NSUN2: variants seen among roughly 807,000 people sequenced by gnomAD.
NSUN2 encodes NOP2/Sun RNA methyltransferase 2, also known as RNA cytosine C(5)-methyltransferase NSUN2.
Under a neutral mutation model 92.7 loss-of-function variants are expected in NSUN2, and 63 were observed. That is an observed-to-expected ratio of 0.68 (90% CI 0.56 to 0.84). NSUN2 has a LOEUF of 0.84. Ranked by LOEUF, NSUN2 falls within the 40% of genes least tolerant of loss-of-function variation. The pLI is 0.00. For synonymous variants in NSUN2, 356 were observed against 348.3 expected (o/e 1.02, Z -0.25); for missense variants, 989 against 964.9 (o/e 1.02, Z -0.33).
In NSUN2 at chr5:6,632,654, T is replaced by A; in HGVS notation, c.199A>T (p.Met67Leu). 6.2e-7 allele frequency: 1 copy of A among 1,614,164 alleles called. No individual in the cohort carries two copies. The highest frequency in any genetic ancestry group is 8.5e-7 in the Non-Finnish European group (1 of 1,180,034). ...IVPEGEWGQF[M>L]DALREPLPAT... Reference sequence around the variant, plus strand: ...GGGAGCGGCTCCCTGAGAGCGTCCATGAACTGGCCCCACTCGCCCTCGGGC... The same window carrying A: ...GGGAGCGGCTCCCTGAGAGCGTCCAAGAACTGGCCCCACTCGCCCTCGGGC... The change falls in exon 2 of 19, where the codon ATG becomes TTG. Residue 67 changes from methionine (M) to leucine (L), a missense_variant. Around this residue, in one of 3 missense-constraint regions of NSUN2, gnomAD observed 356 missense variants for 338.6 expected, o/e 1.05. Coordinates refer to ENST00000264670, the MANE Select transcript of NSUN2 (RefSeq NM_017755.6).
chr5:6,623,193 T>C, intron 5 of NSUN2, 21 bp downstream of exon 5: 2 of 1,577,662 alleles, frequency 1.3e-6, no homozygotes, highest in South Asian at 1.2e-5. Flanking sequence ...CGCCCCCACG[T>C]TTCTAGTTGC....
chr5:6,600,677 G>T (rs1003011093), intron 18 of NSUN2, among the ~76,000 whole-genome samples: 6 of 151,948 alleles, frequency 3.9e-5, no homozygotes, highest in African/African-American at 1.5e-4. Flanking sequence ...CCTTAGCAGG[G>T]CGTCAGAGCA....
chr5:6,630,919 C>T (rs1278192071), intron 3 of NSUN2, among the ~76,000 whole-genome samples: 1 of 152,116 alleles, frequency 6.6e-6, no homozygotes, highest in African/African-American at 2.4e-5. Context: ...AGGTAAAAAC[C>T]CGTCTCCACT....
chr5:6,625,100 A>T (rs1347017337), intron 4 of NSUN2, among the ~76,000 whole-genome samples: 1 of 148,594 alleles, frequency 6.7e-6, no homozygotes, highest in Non-Finnish European at 1.5e-5. Context: ...AATGTGTGGT[A>T]AGAAAAAAAA....
chr5:6,628,407 G>T (rs1001997688), intron 3 of NSUN2, among the ~76,000 whole-genome samples: 3 of 152,222 alleles, frequency 2.0e-5, no homozygotes, highest in African/African-American at 7.2e-5. Context: ...TGAACAATTG[G>T]TTGTCAAAAC....
At chr5:6,609,510 C>T (rs889262142) in intron 12 of NSUN2, among the ~76,000 whole-genome samples, 3 of 152,292 alleles carry the variant, frequency 2.0e-5, no homozygotes, top group African/African-American at 7.2e-5. Context: ...AGCACAGAAA[C>T]CTGGGGCTTC....
At chr5:6,607,543 A>C (rs1736827340) in intron 12 of NSUN2, among the ~76,000 whole-genome samples, 159 bp from the exon 13 acceptor site, 1 of 152,248 alleles carries the variant, frequency 6.6e-6, no homozygotes, top group Non-Finnish European at 1.5e-5. Context: ...TGTCATTTTA[A>C]ATCTACTTGC....
At chr5:6,605,986 T>C (rs886251265) in intron 14 of NSUN2, among the ~76,000 whole-genome samples, 2 of 152,174 alleles carry the variant, frequency 1.3e-5, no homozygotes, top group African/African-American at 4.8e-5. Flanking sequence ...GAGACTTATT[T>C]TTTAATAGAC....
chr5:6,631,104 AACAG>A (rs1219254640), intron 3 of NSUN2, among the ~76,000 whole-genome samples: 1 of 152,096 alleles, frequency 6.6e-6, no homozygotes, highest in Non-Finnish European at 1.5e-5. Context: ...CAAACAAACA[AACAG>A]ACAAACAAAA....
At chr5:6,621,646 GC>G (rs1560982210) in intron 6 of NSUN2, 1 of 161,480 alleles carries the variant, frequency 6.2e-6, no homozygotes, top group Admixed American at 6.3e-5. Context: ...TACTCGAGAG[GC>G]TGAGGCAGGA....
Position 6,600,238 on chromosome 5 carries a change from A to C in NSUN2, c.1998-6T>G, listed in dbSNP as rs1473827401. On this transcript the variant is annotated splice_region_variant and splice_polypyrimidine_tract_variant and intron_variant, in intron 18 of 18. Coordinates refer to ENST00000264670, the MANE Select transcript of NSUN2 (RefSeq NM_017755.6). ...ACTGCAGAGCGTCTGGATTCCTACAAGTGAAAGTGGCTTCATGTAGAACAT... is the reference window on the plus strand; with the variant it reads ...ACTGCAGAGCGTCTGGATTCCTACACGTGAAAGTGGCTTCATGTAGAACAT... 6.2e-7 allele frequency: 1 copy of C among 1,609,754 alleles called. No homozygotes were observed. Among genetic ancestry groups the C allele is most frequent in the South Asian group, 1.1e-5 (1 of 90,874 alleles).
rs1296214197 is a variant in NSUN2 at position 6,607,265 on chromosome 5, G to C, written c.1443C>G (p.Asp481Glu). ...LESPSFTGTG[D>E]TEIAHATEDL... ...CCTCAGTTGCATGAGCTATTTCTGT[G>C]TCACCAGTTCCTGTGAATGACGGAC... Residue 481 changes from aspartate (D) to glutamate (E), a missense_variant, in exon 13 of 19, where the codon GAC (aspartate) becomes GAG (glutamate). By Grantham distance (45) the Asp-to-Glu change is conservative. Around this residue, in one of 3 missense-constraint regions of NSUN2, gnomAD observed 626 missense variants for 602.3 expected, o/e 1.04. Transcript: ENST00000264670. The C allele has an allele frequency of 6.2e-7, 1 of 1,614,182 alleles. No individual in the cohort carries two copies. Among genetic ancestry groups the C allele is most frequent in the Non-Finnish European group, 8.5e-7 (1 of 1,180,036 alleles).
chr5:6,609,959 T>C (rs1465392118), intron 11 of NSUN2, 37 bp from the exon 12 acceptor site: 1 of 1,352,324 alleles, frequency 7.4e-7, no homozygotes, highest in Non-Finnish European at 1.0e-6. Context: ...TCTGAACTAA[T>C]CAAAAATGCA....
rs981654368 is a variant in NSUN2, at chr5:6,623,348, A to G, written c.466-63T>C. 1.9e-5 allele frequency: 27 copies of G among 1,432,864 alleles called. 1 individual carries two copies. The highest frequency in any genetic ancestry group is 4.3e-5 in the African/African-American group (3 of 69,438). 88.8% of individuals were successfully genotyped at this position (1,432,864 alleles called of 1,614,324 possible). A position where few individuals can be genotyped will look rare whatever the true frequency, so the allele number is the denominator to read the frequency against. On this transcript the variant is annotated intron_variant, in intron 4 of 18. Coordinates refer to ENST00000264670, the MANE Select transcript of NSUN2 (RefSeq NM_017755.6). ...AAAAAAAAAACCGCAGACAATTTCA[A>G]TCTTTGGCATTGTTTCAAAGGCAAC...
intron 9 of NSUN2, among the ~76,000 whole-genome samples, chr5:6,612,108 C>T (rs1220683361): frequency 1.3e-5 from 2 of 152,154 alleles, no homozygotes; most frequent in African/African-American, 4.8e-5. Flanking sequence ...ATCACTGAAC[C>T]GTACACTTAA....
rs1390770303 is a variant in NSUN2, at chr5:6,609,916, C to T, written c.1233G>A (p.Arg411=). The part of the protein sequence containing the change: ...LQAMHLERCL[R]ILPHHQNTGG... ...CAGTATTCTGATGATGGGGTAATAT[C>T]CTAAGGCTAAATATATATATATAAT... The change falls in exon 12 of 19, where the codon AGG becomes AGA. Residue 411 remains arginine (R), a synonymous_variant. Transcript: ENST00000264670. 2 of 1,604,690 alleles carry T rather than the reference C, an allele frequency of 1.2e-6. No homozygotes were observed. The highest frequency in any genetic ancestry group is 1.7e-6 in the Non-Finnish European group (2 of 1,172,980).
chr5:6,611,957 G>A (rs974424943), intron 9 of NSUN2, among the ~76,000 whole-genome samples, 159 bp from the exon 10 acceptor site: 2 of 152,176 alleles, frequency 1.3e-5, no homozygotes, highest in Admixed American at 6.5e-5. Context: ...ATGAGTGGCC[G>A]ACGGGGTGGA....
chr5:6,623,121 A>G, intron 5 of NSUN2, 93 bp downstream of exon 5: 1 of 1,027,438 alleles, frequency 9.7e-7, no homozygotes, highest in South Asian at 1.7e-5. Context: ...AAAAGGACTA[A>G]TTATATTAAG....
At chr5:6,622,811 C>A (rs1374424865) in intron 5 of NSUN2, among the ~76,000 whole-genome samples, 1 of 148,786 alleles carries the variant, frequency 6.7e-6, no homozygotes, top group East Asian at 2.0e-4. Flanking sequence ...CGCGCCACTG[C>A]ACTCCAGCCT....
Sources: gnomAD v4.1 joint callset for allele counts (sites outside exome capture counted in the v4.1 genomes callset) on GRCh38, gnomAD v4.1.1 for gene constraint, gnomAD v4.1.1 regional missense constraint, MANE v1.5 for transcripts, NCBI Gene and HGNC (gene_info 2026-07-23, HGNC 2026-07-21) for gene names.